The following LHFPL3 variants were observed in gnomAD, a reference collection of about 807,000 sequenced individuals.
LHFPL3 encodes LHFPL tetraspan subfamily member 3.
LHFPL3 carries 5 observed loss-of-function variants against 19.3 expected under a neutral mutation model. That is an observed-to-expected ratio of 0.26 (90% CI 0.14 to 0.54). LHFPL3 has a LOEUF of 0.54. Ranked by LOEUF, LHFPL3 falls within the 20% of genes least tolerant of loss-of-function variation. The pLI is 0.94. For synonymous variants in LHFPL3, 133 were observed against 126.2 expected (o/e 1.05, Z -0.36); for missense variants, 249 against 307.4 (o/e 0.81, Z 1.42).
At chr7:104,375,233 G>A (rs1030081646) in intron 1 of LHFPL3, among the ~76,000 whole-genome samples, 2 of 152,112 alleles carry the variant, frequency 1.3e-5, no homozygotes, top group Non-Finnish European at 2.9e-5. Context: ...CAGCTACACC[G>A]GGGGTGAGGC....
chr7:104,868,000 C>T (rs1352739996), intron 2 of LHFPL3, among the ~76,000 whole-genome samples: 2 of 152,238 alleles, frequency 1.3e-5, no homozygotes, highest in East Asian at 3.9e-4. Flanking sequence ...TCAATAGATG[C>T]AGAAAAGGCC....
intron 1 of LHFPL3, among the ~76,000 whole-genome samples, chr7:104,537,944 A>G (rs1794418931): frequency 6.6e-6 from 1 of 152,150 alleles, no homozygotes; most frequent in Admixed American, 6.6e-5. Context: ...TTGTCTGACC[A>G]CCTCAACGGG....
At chr7:104,631,140 T>TAACAAC (rs56205246) in intron 1 of LHFPL3, among the ~76,000 whole-genome samples, 1 of 151,980 alleles carries the variant, frequency 6.6e-6, no homozygotes, top group Non-Finnish European at 1.5e-5. Flanking sequence ...TCATCCTAGC[T>TAACAAC]AACAACAACA....
At chr7:104,576,215 CAGG>C (rs1790336611) in intron 1 of LHFPL3, among the ~76,000 whole-genome samples, 2 of 151,994 alleles carry the variant, frequency 1.3e-5, no homozygotes. Context: ...TCAGGAAAAC[CAGG>C]AGACCATAGG....
intron 1 of LHFPL3, among the ~76,000 whole-genome samples, chr7:104,586,768 TG>T (rs377458560): frequency 1.4e-4 from 22 of 152,298 alleles, no homozygotes; most frequent in African/African-American, 4.3e-4. Context: ...AATAAACAGG[TG>T]TGTGTCTTCC....
chr7:104,624,189 A>G (rs140116531), intron 1 of LHFPL3, among the ~76,000 whole-genome samples: 14 of 152,338 alleles, frequency 9.2e-5, no homozygotes, highest in Admixed American at 9.2e-4. Context: ...TAAACCAAAT[A>G]TCGTGAGTTT....
At position 104,394,295 on chromosome 7, in the gene LHFPL3, G is replaced by A. The variant is rs1035961984; in HGVS notation, c.445+65071G>A. ...ATCATTTCTAACAAGCTCCCAGGTT[G>A]CATCTGTGCCTCTGGTCCTCAAATG... On this transcript the variant is annotated intron_variant, in intron 1 of 2. Transcript: ENST00000424859. 2.6e-5 allele frequency among the ~76,000 whole-genome samples: 4 copies of A among 152,172 alleles called. No individual in the cohort carries two copies. In the South Asian group the frequency reaches 8.3e-4, roughly 32 times the overall value.
In LHFPL3 at chr7:104,530,053, A is replaced by G. The variant is rs75720319; in HGVS notation, c.445+200829A>G. 6.6e-3 allele frequency among the ~76,000 whole-genome samples: 1,011 copies of G among 152,302 alleles called. 12 individuals carry two copies. Among genetic ancestry groups the G allele is most frequent in the African/African-American group, 0.024 (980 of 41,576 alleles). ...GTTGTATTTTTATCATCCTAGCCTA[A>G]ATTGTCCTTGGTACAACTTCTGTTG... is the stretch of plus-strand genomic sequence containing the variant. On this transcript the variant is annotated intron_variant, in intron 1 of 2. Coordinates refer to ENST00000424859, the MANE Select transcript of LHFPL3 (RefSeq NM_199000.3).
intron 1 of LHFPL3, among the ~76,000 whole-genome samples, chr7:104,338,589 A>G (rs1011340113): frequency 2.0e-5 from 3 of 152,216 alleles, no homozygotes; most frequent in Admixed American, 6.5e-5. Flanking sequence ...GAAGATTTAT[A>G]CAAGTTATTC....
At chr7:104,824,532 AAT>A (rs1250952094) in intron 2 of LHFPL3, among the ~76,000 whole-genome samples, 42 of 62,046 alleles carry the variant, frequency 6.8e-4, no homozygotes, top group African/African-American at 2.0e-3. Flanking sequence ...TTTTATATAT[AAT>A]ATATATAATT....
chr7:104,739,454 A>G (rs957376406), intron 2 of LHFPL3, among the ~76,000 whole-genome samples: 1 of 152,236 alleles, frequency 6.6e-6, no homozygotes, highest in African/African-American at 2.4e-5. Flanking sequence ...TATAGATTCT[A>G]AAGGAAGAGA....
intron 1 of LHFPL3, among the ~76,000 whole-genome samples, chr7:104,619,697 G>C (rs555372644): frequency 6.6e-6 from 1 of 152,164 alleles, no homozygotes. Context: ...TGTTCTCGAT[G>C]GGGGGAGAAT....
chr7:104,600,736 G>A (rs543548040), intron 1 of LHFPL3, among the ~76,000 whole-genome samples: 54 of 152,326 alleles, frequency 3.5e-4, no homozygotes, highest in African/African-American at 1.2e-3. Context: ...TGGCCTATAA[G>A]GGGATGTACT....
intron 1 of LHFPL3, among the ~76,000 whole-genome samples, chr7:104,398,448 T>C (rs1229027244): frequency 6.6e-6 from 1 of 152,210 alleles, no homozygotes; most frequent in Non-Finnish European, 1.5e-5. Context: ...TGTTTGTGGA[T>C]TGCCTTTTAG....
intron 2 of LHFPL3, among the ~76,000 whole-genome samples, chr7:104,820,489 C>A (rs774373476): frequency 1.3e-5 from 2 of 152,212 alleles, no homozygotes; most frequent in Non-Finnish European, 2.9e-5. Flanking sequence ...CAGGCTGAAG[C>A]CCTTGGCAAA....
chr7:104,779,158 G>T (rs911833128), intron 2 of LHFPL3, among the ~76,000 whole-genome samples: 8 of 152,080 alleles, frequency 5.3e-5, no homozygotes, highest in Non-Finnish European at 1.2e-4. Flanking sequence ...TGATCTCTAT[G>T]CCTTAGTTTC....
intron 1 of LHFPL3, among the ~76,000 whole-genome samples, chr7:104,453,053 C>G (rs1269185096): frequency 6.6e-6 from 1 of 152,096 alleles, no homozygotes. Context: ...ATATGTATTT[C>G]AAATTCTTTT....
At chr7:104,511,611 C>T (rs1222481419) in intron 1 of LHFPL3, among the ~76,000 whole-genome samples, 1 of 152,162 alleles carries the variant, frequency 6.6e-6, no homozygotes, top group African/African-American at 2.4e-5. Flanking sequence ...TGAGGTACAT[C>T]CATACCATGG....
At chr7:104,617,153 A>G (rs544848335) in intron 1 of LHFPL3, among the ~76,000 whole-genome samples, 1 of 152,326 alleles carries the variant, frequency 6.6e-6, no homozygotes, top group South Asian at 2.1e-4. Context: ...ATTATTGAGT[A>G]TATACCCAAA....
Sources: gnomAD v4.1 joint callset for allele counts (sites outside exome capture counted in the v4.1 genomes callset) on GRCh38, gnomAD v4.1.1 for gene constraint, MANE v1.5 for transcripts, NCBI Gene and HGNC (gene_info 2026-07-23, HGNC 2026-07-21) for gene names.